The following PHACTR2 variants were observed in gnomAD, a reference collection of about 807,000 sequenced individuals.
PHACTR2 encodes the protein phosphatase and actin regulator 2, also known as chromosome 6 open reading frame 56.
PHACTR2 carries 30 observed loss-of-function variants against 76.0 expected under a neutral mutation model. The observed-to-expected ratio is 0.39, with a 90% CI of 0.30 to 0.54. The LOEUF is 0.54. Among genes scored for constraint, PHACTR2 ranks in the 20% least tolerant of loss-of-function variants. The pLI is 0.61. For synonymous variants in PHACTR2, 292 were observed against 292.5 expected (o/e 1.00, Z 0.02); for missense variants, 696 against 781.1 (o/e 0.89, Z 1.30).
intron 1 of PHACTR2, among the ~76,000 whole-genome samples, chr6:143,642,748 A>G (rs1471531761): frequency 6.6e-6 from 1 of 152,226 alleles, no homozygotes. Flanking sequence ...TGATGCTTCT[A>G]CAAACCTAGG....
chr6:143,733,262 T>C lies in PHACTR2; in HGVS notation c.215-15723T>C, dbSNP rs1179804952. On this transcript the variant is annotated intron_variant, in intron 2 of 12. Transcript: ENST00000440869. This position sits in a 1 kb window ranked among gnomAD's most constrained non-coding sequence, Gnocchi z 4.0. ...ATAGCACATTTTACCGTCTAACATC[T>C]ATAAATTATTTCTATTGTTTGTTAT... is the stretch of plus-strand genomic sequence containing the variant. 1.3e-5 allele frequency among the ~76,000 whole-genome samples: 2 copies of C among 152,184 alleles called. No homozygotes were observed. The highest frequency in any genetic ancestry group is 4.8e-5 in the African/African-American group (2 of 41,446).
In PHACTR2 at chr6:143,710,888, A is replaced by G. The variant is rs1458399964; in HGVS notation, c.47-1128A>G. On this transcript the variant is annotated intron_variant, in intron 1 of 12. Transcript: ENST00000440869. This position sits in a 1 kb window ranked among gnomAD's most constrained non-coding sequence, Gnocchi z 4.9. Reference sequence around the variant, plus strand: ...TGGATTCAACACTTAACATTTTGCTATATTTTACTTTATTGCACTTTTATC... The same window carrying G: ...TGGATTCAACACTTAACATTTTGCTGTATTTTACTTTATTGCACTTTTATC... 1 of 395,554 alleles carries G rather than the reference A, an allele frequency of 2.5e-6. No individual in the cohort carries two copies. Among genetic ancestry groups the G allele is most frequent in the Non-Finnish European group, 4.8e-6 (1 of 207,358 alleles). 24.5% of individuals were successfully genotyped at this position (395,554 alleles called of 1,614,324 possible).
rs1042257914 is a variant in PHACTR2 at position 143,589,213 on chromosome 6, T to G, written c.217+52006T>G. Among the ~76,000 whole-genome samples, 20 of 152,200 alleles carry G rather than the reference T, an allele frequency of 1.3e-4. No homozygotes were observed. Among genetic ancestry groups the G allele is most frequent in the African/African-American group, 4.6e-4 (19 of 41,430 alleles). ...TTTCGATTTGTGTCCCACCCAAATCTCATGTCCAGTTGTAATCTCCAGTGT... is the reference window on the plus strand; with the variant it reads ...TTTCGATTTGTGTCCCACCCAAATCGCATGTCCAGTTGTAATCTCCAGTGT... On this transcript the variant is annotated intron_variant, in intron 1 of 11. Coordinates refer to the PHACTR2 transcript ENST00000367584. This position sits in a 1 kb window ranked among gnomAD's most constrained non-coding sequence, Gnocchi z 4.4.
rs75158618 is a variant in PHACTR2, at chr6:143,656,701, T to C, written c.13+48379T>C. Among the ~76,000 whole-genome samples the C allele has an allele frequency of 0.02, 3,032 of 152,252 alleles. 81 individuals carry two copies. Among genetic ancestry groups the C allele is most frequent in the African/African-American group, 0.068 (2,836 of 41,536 alleles). Reference sequence around the variant, plus strand: ...GATCATAGAAGAAGCAATATCAAGATTTTTCACCAGCCTCTGGAGTTATCA... The same window carrying C: ...GATCATAGAAGAAGCAATATCAAGACTTTTCACCAGCCTCTGGAGTTATCA... On this transcript the variant is annotated intron_variant, in intron 1 of 11. Transcript: ENST00000305766. This position sits in a 1 kb window ranked among gnomAD's most constrained non-coding sequence, Gnocchi z 5.3.
rs1344600782 is a variant in PHACTR2, at chr6:143,672,833, T to G, written c.14-39183T>G. On this transcript the variant is annotated intron_variant, in intron 1 of 11. Coordinates refer to the PHACTR2 transcript ENST00000305766. This position sits in a 1 kb window ranked among gnomAD's most constrained non-coding sequence, Gnocchi z 5.8. ...TCCGCCTCCCAGGTTCAAGTGATTC[T>G]CCGGCCTCAGCCTCCCAAGTAGCTG... is the stretch of plus-strand genomic sequence containing the variant. Among the ~76,000 whole-genome samples the G allele has an allele frequency of 6.6e-6, 1 of 152,158 alleles. No individual in the cohort carries two copies. The highest frequency in any genetic ancestry group is 1.5e-5 in the Non-Finnish European group (1 of 68,032).
At chr6:143,808,054 T>C (rs1776101061) in intron 12 of PHACTR2, among the ~76,000 whole-genome samples, 1 of 152,178 alleles carries the variant, frequency 6.6e-6, no homozygotes, top group Admixed American at 6.5e-5. Flanking sequence ...AACTCCCCTT[T>C]CTTTCAGGGT....
chr6:143,714,021 G>A (rs1418814392), intron 2 of PHACTR2, among the ~76,000 whole-genome samples: 1 of 152,284 alleles, frequency 6.6e-6, no homozygotes, highest in South Asian at 2.1e-4. Context: ...TGCAAAAGTA[G>A]TTGCGATTTT....
chr6:143,773,639 TG>T (rs1775205152), intron 7 of PHACTR2, among the ~76,000 whole-genome samples: 1 of 152,042 alleles, frequency 6.6e-6, no homozygotes, highest in Non-Finnish European at 1.5e-5. Context: ...TCTGCCAGGA[TG>T]GCGTCTGAGT....
Position 143,770,438 on chromosome 6 carries a change from C to T in PHACTR2, c.1233-1820C>T, listed in dbSNP as rs143503766. Among the ~76,000 whole-genome samples, 11 of 152,186 alleles carry T rather than the reference C, an allele frequency of 7.2e-5. No homozygotes were observed. In the East Asian group the frequency reaches 1.4e-3, roughly 19 times the overall value. On this transcript the variant is annotated intron_variant, in intron 6 of 12. Coordinates refer to ENST00000440869, the MANE Select transcript of PHACTR2 (RefSeq NM_001100164.2). ...AAGATGGTTGGTGGTGGTAGTTACA[C>T]GGTAATGTGAATGTGTCTAATGCCA...
chr6:143,564,237 G>C lies in PHACTR2; in HGVS notation c.217+27030G>C, dbSNP rs9496672. On this transcript the variant is annotated intron_variant, in intron 1 of 11. Coordinates refer to the PHACTR2 transcript ENST00000367584. ...TATATATATATATATATATATATAT[G>C]TATGCCACTGCACTCTAACCTTGGC... Among the ~76,000 whole-genome samples the C allele has an allele frequency of 5.3e-5, 3 of 56,428 alleles. 1 individual carries two copies. Among genetic ancestry groups the C allele is most frequent in the Admixed American group, 2.4e-4 (1 of 4,150 alleles). The allele number at this position is 56,428 out of a possible 152,430, so 37.0% of individuals were successfully genotyped here. A position where few individuals can be genotyped will look rare whatever the true frequency, so the allele number is the denominator to read the frequency against.
At position 143,762,123 on chromosome 6, in the gene PHACTR2, A is replaced by G. The variant is rs542546167; in HGVS notation, c.694+1483A>G. ...TTTTCTAGACTTCCTAGAAAACCCT[A>G]GAAGCACTGCTTAAAGTGAGGGAGG... On this transcript the variant is annotated intron_variant, in intron 5 of 12. Coordinates refer to ENST00000440869, the MANE Select transcript of PHACTR2 (RefSeq NM_001100164.2). Among the ~76,000 whole-genome samples the G allele has an allele frequency of 1.3e-3, 193 of 152,296 alleles. 3 individuals carry two copies. Among genetic ancestry groups the G allele is most frequent in the African/African-American group, 4.5e-3 (186 of 41,572 alleles).
Position 143,733,998 on chromosome 6 carries a change from C to G in PHACTR2, c.215-14987C>G, listed in dbSNP as rs528051715. Among the ~76,000 whole-genome samples the G allele has an allele frequency of 2.6e-5, 4 of 152,248 alleles. No individual in the cohort carries two copies. In the East Asian group the frequency reaches 7.7e-4, roughly 29 times the overall value. ...ATAAAGGAGACTAATTATTTCTCCC[C>G]TTTTCTTCTCCCAGTAGAATGGATT... On this transcript the variant is annotated intron_variant, in intron 2 of 12. Transcript: ENST00000440869. The surrounding 1 kb of genome is among the most constrained non-coding windows in gnomAD (Gnocchi z 4.0).
In PHACTR2 at chr6:143,827,112, C is replaced by A. The variant is rs1463513740; in HGVS notation, c.*3423C>A. ...CTGAGTCAAAAAAGGTCCAGTTTTA[C>A]AGCCTGCAATTAATTCAGGGCTGCG... On this transcript the variant is annotated 3_prime_UTR_variant, in exon 13 of 13. Transcript: ENST00000440869. 1.4e-5 allele frequency: 2 copies of A among 139,192 alleles called. No individual in the cohort carries two copies. The highest frequency in any genetic ancestry group is 5.3e-5 in the African/African-American group (2 of 37,554). 8.6% of individuals were successfully genotyped at this position (139,192 alleles called of 1,614,324 possible).
In PHACTR2 at chr6:143,750,567, G is replaced by A. The variant is rs757594166; in HGVS notation, c.295+1502G>A. Among the ~76,000 whole-genome samples the A allele has an allele frequency of 7.9e-5, 12 of 152,190 alleles. No individual in the cohort carries two copies. Among genetic ancestry groups the A allele is most frequent in the Non-Finnish European group, 1.8e-4 (12 of 68,026 alleles). Reference sequence around the variant, plus strand: ...ATTGAAACTGTTAATGGGTTTAAATGTGAAGATTAAAAGCCCATCTTTTTT... The same window carrying A: ...ATTGAAACTGTTAATGGGTTTAAATATGAAGATTAAAAGCCCATCTTTTTT... On this transcript the variant is annotated intron_variant, in intron 3 of 12. Coordinates refer to ENST00000440869, the MANE Select transcript of PHACTR2 (RefSeq NM_001100164.2). This position sits in a 1 kb window ranked among gnomAD's most constrained non-coding sequence, Gnocchi z 4.6.
intron 7 of PHACTR2, among the ~76,000 whole-genome samples, chr6:143,773,552 T>C (rs989261722): frequency 6.6e-6 from 1 of 151,288 alleles, no homozygotes; most frequent in African/African-American, 2.4e-5. Context: ...AAAACCATTA[T>C]CATCCATGTG....
chr6:143,683,075 G>A lies in PHACTR2; in HGVS notation c.46+4866G>A, dbSNP rs1279690112. Among the ~76,000 whole-genome samples, 2 of 152,088 alleles carry A rather than the reference G, an allele frequency of 1.3e-5. No individual in the cohort carries two copies. The highest frequency in any genetic ancestry group is 2.9e-5 in the Non-Finnish European group (2 of 68,016). On this transcript the variant is annotated intron_variant, in intron 1 of 12. Coordinates refer to ENST00000440869, the MANE Select transcript of PHACTR2 (RefSeq NM_001100164.2). This position sits in a 1 kb window ranked among gnomAD's most constrained non-coding sequence, Gnocchi z 4.1. ...TGTATAATCCTTTTTGTATGTTGCT[G>A]GGTTAGGTTTACAAAAGTATTTTAC...
In PHACTR2 at chr6:143,806,978, G is replaced by A; in HGVS notation, c.1846-79G>A. Reference sequence around the variant, plus strand: ...TCTCTTAAAAAAAAAAAAAAGGTCTGCTTCATTGATGCTGTATATACTGGG... The same window carrying A: ...TCTCTTAAAAAAAAAAAAAAGGTCTACTTCATTGATGCTGTATATACTGGG... On this transcript the variant is annotated intron_variant, in intron 11 of 12. Transcript: ENST00000440869. This position sits in a 1 kb window ranked among gnomAD's most constrained non-coding sequence, Gnocchi z 5.8. The A allele has an allele frequency of 1.5e-6, 1 of 682,192 alleles. No individual in the cohort carries two copies. The highest frequency in any genetic ancestry group is 2.9e-5 in the East Asian group (1 of 34,556). The allele number at this position is 682,192 out of a possible 1,614,324, so 42.3% of individuals were successfully genotyped here.
At chr6:143,781,958 T>A (rs1775442344) in intron 9 of PHACTR2, among the ~76,000 whole-genome samples, 1 of 152,336 alleles carries the variant, frequency 6.6e-6, no homozygotes, top group African/African-American at 2.4e-5. Flanking sequence ...ATAGAAACTT[T>A]TCCCTGTTCA....
At position 143,820,552 on chromosome 6, in the gene PHACTR2, C is replaced by T. The variant is rs548472659; in HGVS notation, c.1923-3122C>T. Among the ~76,000 whole-genome samples, 2 of 152,310 alleles carry T rather than the reference C, an allele frequency of 1.3e-5. No homozygotes were observed. Among genetic ancestry groups the T allele is most frequent in the African/African-American group, 2.4e-5 (1 of 41,562 alleles). ...AAATAATCTCCTCTGACTCCATGTCCCATGTCCTGGGTACTCTGGTGTAAG... is the reference window on the plus strand; with the variant it reads ...AAATAATCTCCTCTGACTCCATGTCTCATGTCCTGGGTACTCTGGTGTAAG... On this transcript the variant is annotated intron_variant, in intron 12 of 12. Transcript: ENST00000440869. The surrounding 1 kb of genome is among the most constrained non-coding windows in gnomAD (Gnocchi z 4.2).
Sources: gnomAD v4.1 joint callset for allele counts (sites outside exome capture counted in the v4.1 genomes callset) on GRCh38, gnomAD v4.1.1 for gene constraint, Gnocchi (gnomAD v3.1) non-coding constraint, MANE v1.5 for transcripts, NCBI Gene and HGNC (gene_info 2026-07-23, HGNC 2026-07-21) for gene names.